Variants in LCP2 observed in about 807,000 individuals in gnomAD.
LCP2 encodes lymphocyte cytosolic protein 2, also known as 76 kDa tyrosine phosphoprotein.
In LCP2, 29 loss-of-function variants were observed where a neutral mutation model predicts 74.5. The ratio of observed to expected loss-of-function variants is 0.39; its 90% CI spans 0.29 to 0.53. The LOEUF (loss-of-function observed/expected upper bound fraction) is 0.53, where lower values mean the gene tolerates loss of function less well. Among genes scored for constraint, LCP2 ranks in the 20% least tolerant of loss-of-function variants. The pLI is 0.72. For missense variants in LCP2, 604 were observed against 634.6 expected (o/e 0.95, Z 0.52); for synonymous variants, 228 against 229.5 (o/e 0.99, Z 0.06).
intron 17 of LCP2, 147 bp from the exon 18 acceptor site, chr5:170,253,360 A>G (rs1761490230): frequency 1.9e-6 from 1 of 523,852 alleles, no homozygotes; most frequent in Non-Finnish European, 3.4e-6. Context: ...AAGGGCTTCA[A>G]AAATAATTTT....
intron 2 of LCP2, among the ~76,000 whole-genome samples, chr5:170,290,048 G>C (rs560322694): frequency 1.3e-5 from 2 of 152,188 alleles, no homozygotes; most frequent in South Asian, 4.2e-4. Flanking sequence ...TTCAGAACGG[G>C]GACAAGAACT....
At chr5:170,257,634 T>C (rs946253923) in intron 16 of LCP2, among the ~76,000 whole-genome samples, 1 of 152,198 alleles carries the variant, frequency 6.6e-6, no homozygotes, top group African/African-American at 2.4e-5. Flanking sequence ...AATGAATTCC[T>C]AGCATCAGCC....
chr5:170,295,811 C>T (rs1441671339), intron 1 of LCP2, among the ~76,000 whole-genome samples: 1 of 152,162 alleles, frequency 6.6e-6, no homozygotes, highest in African/African-American at 2.4e-5. Flanking sequence ...CTAGTTTCTT[C>T]CCTCAGTCCA....
intron 11 of LCP2, 27 bp downstream of exon 11, chr5:170,262,940 C>T (rs763471191): frequency 1.6e-5 from 26 of 1,613,920 alleles, no homozygotes; most frequent in Non-Finnish European, 2.0e-5. Flanking sequence ...CAAACAAACA[C>T]AACCAAAAAA....
chr5:170,266,864 G>A lies in LCP2; in HGVS notation c.716C>T (p.Thr239Met), dbSNP rs370045034. 37 of 1,613,772 alleles carry A rather than the reference G, an allele frequency of 2.3e-5. No individual in the cohort carries two copies. Among genetic ancestry groups the A allele is most frequent in the South Asian group, 5.5e-5 (5 of 91,090 alleles). Residue 239 changes from threonine to methionine, a missense_variant, in exon 10 of 21, where the codon ACG (threonine) becomes ATG (methionine). Coordinates refer to ENST00000046794, the MANE Select transcript of LCP2 (RefSeq NM_005565.5). ...TAATGAACGATCTAGGGGAGGTTTCGTGCTTCTGTCTATTGAAGGAGCAGG... is the reference window on the plus strand; with the variant it reads ...TAATGAACGATCTAGGGGAGGTTTCATGCTTCTGTCTATTGAAGGAGCAGG... ...KLPAPSIDRSTKPPLDRSLAP... is the reference protein window; with the variant it reads ...KLPAPSIDRSMKPPLDRSLAP...
At chr5:170,271,703 G>A (rs1761899492) in intron 6 of LCP2, among the ~76,000 whole-genome samples, 1 of 151,940 alleles carries the variant, frequency 6.6e-6, no homozygotes, top group Non-Finnish European at 1.5e-5. Context: ...AGCAAAGGCG[G>A]CACCATCAGC....
At chr5:170,293,783 T>C (rs1483996682) in intron 1 of LCP2, among the ~76,000 whole-genome samples, 1 of 152,250 alleles carries the variant, frequency 6.6e-6, no homozygotes, top group African/African-American at 2.4e-5. Context: ...TTATGATTTA[T>C]ATTCAATCTC....
intron 1 of LCP2, among the ~76,000 whole-genome samples, 176 bp downstream of exon 1, chr5:170,297,358 C>A (rs537412360): frequency 5.0e-4 from 76 of 152,336 alleles, no homozygotes; most frequent in Non-Finnish European, 9.6e-4. Context: ...CTCCGGAACT[C>A]ATGGTCAGGA....
chr5:170,291,979 A>G (rs1762302193), intron 2 of LCP2, among the ~76,000 whole-genome samples: 1 of 152,256 alleles, frequency 6.6e-6, no homozygotes, highest in South Asian at 2.1e-4. Flanking sequence ...AATTAAGTGT[A>G]TGCCTTAGTT....
chr5:170,281,294 T>G (rs536489257), intron 3 of LCP2, among the ~76,000 whole-genome samples: 45 of 151,834 alleles, frequency 3.0e-4, no homozygotes, highest in African/African-American at 1.1e-3. Context: ...TTTCTTTTTT[T>G]TTTGAGACGG....
rs1405366155 is a variant in LCP2, at chr5:170,256,338, T to C, written c.1150+188A>G. ...TATACGTGTGTGTGTATGTGTTGTG[T>C]TTTAGGTACTATCCTATCATTCCGA... is the stretch of plus-strand genomic sequence containing the variant. On this transcript the variant is annotated intron_variant, in intron 17 of 20. Transcript: ENST00000046794. This position sits in a 1 kb window ranked among gnomAD's most constrained non-coding sequence, Gnocchi z 4.5. Among the ~76,000 whole-genome samples, 1 of 152,130 alleles carries C rather than the reference T, an allele frequency of 6.6e-6. No individual in the cohort carries two copies. Among genetic ancestry groups the C allele is most frequent in the Non-Finnish European group, 1.5e-5 (1 of 68,012 alleles).
intron 1 of LCP2, among the ~76,000 whole-genome samples, chr5:170,295,307 T>C (rs13360827): frequency 6.6e-6 from 1 of 152,248 alleles, no homozygotes; most frequent in Non-Finnish European, 1.5e-5. Context: ...CCAGTCTGCA[T>C]GGGTGTCCCC....
intron 2 of LCP2, among the ~76,000 whole-genome samples, chr5:170,291,016 G>A (rs315728): frequency 1.4e-5 from 2 of 146,094 alleles, no homozygotes; most frequent in African/African-American, 2.6e-5. Flanking sequence ...AAGAAAGAGA[G>A]AAAGAAAGAG....
chr5:170,257,311 T>TCAGGGCCAGAGGGTCC (rs1445446326), intron 16 of LCP2, among the ~76,000 whole-genome samples: 1 of 152,056 alleles, frequency 6.6e-6, no homozygotes, highest in African/African-American at 2.4e-5. Context: ...CAGCAGAAAC[T>TCAGGGCCAGAGGGTCC]CAGGGCCAGA....
chr5:170,285,324 T>G (rs1762166288), intron 3 of LCP2, among the ~76,000 whole-genome samples: 2 of 152,232 alleles, frequency 1.3e-5, no homozygotes, highest in East Asian at 3.8e-4. Flanking sequence ...CTAATTCTAA[T>G]CTCTGTGTCA....
chr5:170,259,059 T>G (rs910614881), intron 14 of LCP2, among the ~76,000 whole-genome samples, 181 bp from the exon 15 acceptor site: 1 of 152,246 alleles, frequency 6.6e-6, no homozygotes, highest in Non-Finnish European at 1.5e-5. Flanking sequence ...TTTTACAATT[T>G]CTTAATACAA....
rs1275687540 is a variant in LCP2, at chr5:170,297,745, G to C, written c.-134C>G. On this transcript the variant is annotated 5_prime_UTR_variant, in exon 1 of 21. Coordinates refer to ENST00000046794, the MANE Select transcript of LCP2 (RefSeq NM_005565.5). ...GCTACCCTGTGGAACACCCCTGTTG[G>C]AGCCGATGTCTTTTCTGGCGTAGCC... 1 of 625,598 alleles carries C rather than the reference G, an allele frequency of 1.6e-6. No individual in the cohort carries two copies. Among genetic ancestry groups the C allele is most frequent in the Non-Finnish European group, 2.7e-6 (1 of 372,002 alleles). 38.8% of individuals were successfully genotyped at this position (625,598 alleles called of 1,614,324 possible).
intron 6 of LCP2, among the ~76,000 whole-genome samples, chr5:170,272,825 GA>G: frequency 6.6e-6 from 1 of 151,628 alleles, no homozygotes; most frequent in Non-Finnish European, 1.5e-5. Flanking sequence ...TGTTGACCAG[GA>G]TGGTCTCGAT....
chr5:170,289,170 A>C (rs1762234541), intron 2 of LCP2, among the ~76,000 whole-genome samples: 1 of 152,198 alleles, frequency 6.6e-6, no homozygotes, highest in African/African-American at 2.4e-5. Context: ...CCCACCTATC[A>C]GGATTGTGAG....
Sources: gnomAD v4.1 joint callset for allele counts (sites outside exome capture counted in the v4.1 genomes callset) on GRCh38, gnomAD v4.1.1 for gene constraint, Gnocchi (gnomAD v3.1) non-coding constraint, MANE v1.5 for transcripts, NCBI Gene and HGNC (gene_info 2026-07-23, HGNC 2026-07-21) for gene names.